The following ZHX3 variants were observed in gnomAD, a reference collection of about 807,000 sequenced individuals.
ZHX3 encodes zinc fingers and homeoboxes protein 3.
A neutral mutation model predicts 64.5 loss-of-function variants in ZHX3; 20 were observed. That is an observed-to-expected ratio of 0.31 (90% CI 0.22 to 0.45). The LOEUF is 0.45. Ranked by LOEUF, ZHX3 falls within the 20% of genes least tolerant of loss-of-function variation. The probability of loss-of-function intolerance (pLI) is 1.00; values close to 1 mark genes in which losing one functional copy is unlikely to be tolerated. For synonymous variants in ZHX3, 423 were observed against 461.6 expected (o/e 0.92, Z 1.07); for missense variants, 1,041 against 1,195.8 (o/e 0.87, Z 1.91).
In ZHX3 at chr20:41,203,139, G is replaced by A. The variant is rs571516198; in HGVS notation, c.1778C>T (p.Thr593Ile). The change falls in exon 3 of 4, where the codon ACA becomes ATA. Residue 593 changes from threonine (T) to isoleucine (I), a missense_variant. Coordinates refer to ENST00000683867, the MANE Select transcript of ZHX3 (RefSeq NM_001384317.1). This position sits in a 1 kb window ranked among gnomAD's most constrained non-coding sequence, Gnocchi z 7.1. Reference sequence around the variant, plus strand: ...TTTGGCAGAAGGGTGGGTTGCTAGTGTGGCTGTTGTCGGAATGCAGGTTAC... The same window carrying A: ...TTTGGCAGAAGGGTGGGTTGCTAGTATGGCTGTTGTCGGAATGCAGGTTAC... ...PEVTCIPTTATLATHPSAKRQ... is the reference protein window; with the variant it reads ...PEVTCIPTTAILATHPSAKRQ... The A allele has an allele frequency of 1.8e-5, 29 of 1,614,154 alleles. No homozygotes were observed. Among genetic ancestry groups the A allele is most frequent in the South Asian group, 1.1e-4 (10 of 91,078 alleles).
chr20:41,270,214 C>G (rs1033076355), intron 1 of ZHX3, among the ~76,000 whole-genome samples: 1 of 146,604 alleles, frequency 6.8e-6, no homozygotes, highest in Non-Finnish European at 1.5e-5. Context: ...CATGGTGAAA[C>G]CCCGTCTCTA....
At chr20:41,207,997 C>T (rs183508209) in intron 2 of ZHX3, among the ~76,000 whole-genome samples, 4 of 152,042 alleles carry the variant, frequency 2.6e-5, no homozygotes. Flanking sequence ...CAATAACAAA[C>T]AATAAAGGGG....
chr20:41,260,093 C>T (rs2042477582), intron 2 of ZHX3, among the ~76,000 whole-genome samples: 2 of 150,904 alleles, frequency 1.3e-5, no homozygotes, highest in Non-Finnish European at 2.9e-5. Flanking sequence ...ATGTAATTTG[C>T]TAATACTCAT....
chr20:41,202,072 C>T lies in ZHX3; in HGVS notation c.2845G>A (p.Ala949Thr), dbSNP rs2038268133. The T allele has an allele frequency of 6.2e-7, 1 of 1,601,812 alleles. No individual in the cohort carries two copies. The highest frequency in any genetic ancestry group is 8.5e-7 in the Non-Finnish European group (1 of 1,172,788). The change falls in exon 3 of 4, where the codon GCT becomes ACT. Residue 949 changes from alanine to threonine, a missense_variant. Physicochemically the swap from Ala to Thr is moderately conservative, Grantham distance 58. Coordinates refer to ENST00000683867, the MANE Select transcript of ZHX3 (RefSeq NM_001384317.1). The surrounding 1 kb of genome is among the most constrained non-coding windows in gnomAD (Gnocchi z 7.0). ...GACTCCTTACCGAGCTGACGTCCAG[C>T]CTGGGGACTCGATGTGTCAAAGGGC... Reference protein sequence around the residue: ...SEPFDTSSPQAGRQLETD With the variant: ...SEPFDTSSPQTGRQLETD
chr20:41,279,783 G>A (rs1390760047), intron 1 of ZHX3, among the ~76,000 whole-genome samples: 4 of 152,082 alleles, frequency 2.6e-5, no homozygotes, highest in African/African-American at 4.8e-5. Context: ...ATACTAAGAC[G>A]TAAAGGAAAT....
chr20:41,305,356 G>A (rs576169483), intron 1 of ZHX3, among the ~76,000 whole-genome samples: 7 of 152,298 alleles, frequency 4.6e-5, no homozygotes, highest in Non-Finnish European at 8.8e-5. Context: ...AGCCAGGCAT[G>A]TTGGTGCACA....
chr20:41,240,252 C>A (rs1015384792), intron 2 of ZHX3, among the ~76,000 whole-genome samples: 1 of 152,172 alleles, frequency 6.6e-6, no homozygotes, highest in African/African-American at 2.4e-5. Context: ...CTCCAGAAGG[C>A]AGAGCATGGG....
At chr20:41,216,116 G>GTA (rs2039517246) in intron 2 of ZHX3, among the ~76,000 whole-genome samples, 1 of 152,124 alleles carries the variant, frequency 6.6e-6, no homozygotes, top group African/African-American at 2.4e-5. Flanking sequence ...ATAGTCTTGA[G>GTA]TATTCTATAG....
At chr20:41,230,409 G>A (rs981613152) in intron 2 of ZHX3, among the ~76,000 whole-genome samples, 1 of 152,132 alleles carries the variant, frequency 6.6e-6, no homozygotes, top group Non-Finnish European at 1.5e-5. Context: ...GGATATCACT[G>A]TGGCTGAGAA....
intron 2 of ZHX3, among the ~76,000 whole-genome samples, chr20:41,231,585 TTCTC>T (rs2040610555): frequency 6.6e-6 from 1 of 152,246 alleles, no homozygotes; most frequent in African/African-American, 2.4e-5. Context: ...GTGGCTGACT[TTCTC>T]TCCAGATTGT....
At chr20:41,315,346 CTTTTTTTTTT>C (rs11471425) in intron 1 of ZHX3, among the ~76,000 whole-genome samples, 1 of 56,044 alleles carries the variant, frequency 1.8e-5, no homozygotes, top group African/African-American at 9.6e-5. Flanking sequence ...CCAGGCCTGG[CTTTTTTTTTT>C]TTTTTTTTTT....
intron 2 of ZHX3, among the ~76,000 whole-genome samples, chr20:41,253,246 A>T (rs894043257): frequency 3.9e-5 from 1 of 25,934 alleles, no homozygotes; most frequent in Non-Finnish European, 6.1e-5. Context: ...GGACTACAGT[A>T]AAAAAAAAAA....
intron 2 of ZHX3, among the ~76,000 whole-genome samples, chr20:41,231,253 G>A (rs1600432284): frequency 6.6e-6 from 1 of 152,092 alleles, no homozygotes; most frequent in Non-Finnish European, 1.5e-5. Context: ...AATGACATAT[G>A]CAGCTCACCT....
chr20:41,290,740 C>G (rs1364344186), intron 1 of ZHX3, among the ~76,000 whole-genome samples: 2 of 152,200 alleles, frequency 1.3e-5, no homozygotes, highest in African/African-American at 4.8e-5. Context: ...AGCTACTGAT[C>G]TTAACCATTT....
At chr20:41,297,345 C>T (rs2044585345) in intron 1 of ZHX3, among the ~76,000 whole-genome samples, 1 of 152,196 alleles carries the variant, frequency 6.6e-6, no homozygotes, top group South Asian at 2.1e-4. Context: ...AGCTTCTAAA[C>T]CCTTGGGACC....
Position 41,184,752 on chromosome 20 carries a change from G to A in ZHX3, c.*439C>T, listed in dbSNP as rs767159731. 28 of 868,338 alleles carry A rather than the reference G, an allele frequency of 3.2e-5. No individual in the cohort carries two copies. The highest frequency in any genetic ancestry group is 3.4e-4 in the Middle Eastern group (1 of 2,920). The allele number at this position is 868,338 out of a possible 1,614,324, so 53.8% of individuals were successfully genotyped here. ...GTGACCCAGCAATCCCCAGAGAACA[G>A]ACACAGGTCATTTTTAGAGATGACG... is the stretch of plus-strand genomic sequence containing the variant. On this transcript the variant is annotated 3_prime_UTR_variant, in exon 4 of 4. Coordinates refer to ENST00000683867, the MANE Select transcript of ZHX3 (RefSeq NM_001384317.1).
At chr20:41,193,713 G>A (rs868416018) in intron 3 of ZHX3, among the ~76,000 whole-genome samples, 1 of 141,834 alleles carries the variant, frequency 7.1e-6, no homozygotes, top group Admixed American at 7.0e-5. Context: ...TGTTGTTTTT[G>A]TTTTTTTTTT....
chr20:41,285,901 A>G (rs1045807822), intron 1 of ZHX3, among the ~76,000 whole-genome samples: 4 of 152,374 alleles, frequency 2.6e-5, no homozygotes, highest in Middle Eastern at 3.4e-3. Context: ...CAAAAGGTTT[A>G]GCATAGTATG....
At chr20:41,227,125 C>T (rs553499368) in intron 2 of ZHX3, among the ~76,000 whole-genome samples, 9 of 152,278 alleles carry the variant, frequency 5.9e-5, no homozygotes, top group African/African-American at 2.2e-4. Flanking sequence ...ATGGGACCAA[C>T]TGGATTTGCT....
Sources: allele counts gnomAD v4.1 joint callset (sites outside exome capture counted in the v4.1 genomes callset), GRCh38; gene constraint gnomAD v4.1.1; non-coding constraint Gnocchi (gnomAD v3.1); transcripts MANE v1.5; gene names NCBI Gene and HGNC (gene_info 2026-07-23, HGNC 2026-07-21).